Variants in TMPRSS15 observed in about 807,000 individuals in gnomAD.
The protein encoded by TMPRSS15 is enteropeptidase.
TMPRSS15 carries 128 observed loss-of-function variants against 125.3 expected under a neutral mutation model. That is an observed-to-expected ratio of 1.02 (90% CI 0.89 to 1.18). The LOEUF (loss-of-function observed/expected upper bound fraction) is 1.18. Ranked by LOEUF, TMPRSS15 falls within the 50% of genes most tolerant of loss-of-function variation. TMPRSS15 has a pLI of 0.00. For missense variants in TMPRSS15, 1,283 were observed against 1,212.7 expected (o/e 1.06, Z -0.86); for synonymous variants, 446 against 423.2 (o/e 1.05, Z -0.66).
intron 18 of TMPRSS15, among the ~76,000 whole-genome samples, chr21:18,304,677 T>C (rs2075010884): frequency 6.6e-6 from 1 of 152,178 alleles, no homozygotes; most frequent in South Asian, 2.1e-4. Flanking sequence ...GCTAGATACA[T>C]ATAAAATATC....
intron 1 of TMPRSS15, among the ~76,000 whole-genome samples, chr21:18,451,770 T>C (rs1978343162): frequency 6.6e-6 from 1 of 152,196 alleles, no homozygotes; most frequent in Non-Finnish European, 1.5e-5. Context: ...GTTCAGTTTT[T>C]GTATGACTGT....
rs76485843 is a variant in TMPRSS15, at chr21:18,367,437, C to A, written c.665-2189G>T. Among the ~76,000 whole-genome samples the A allele has an allele frequency of 3.7e-3, 565 of 152,304 alleles. 7 individuals carry two copies. The highest frequency in any genetic ancestry group is 0.013 in the African/African-American group (520 of 41,560). On this transcript the variant is annotated intron_variant, in intron 6 of 24. Transcript: ENST00000284885. ...TTCTCACCTTCAACGCTCTTTTCCA[C>A]TGTAAACCATGCCAAACAAGCAGGG...
chr21:18,426,582 C>A (rs1339808960), intron 1 of TMPRSS15, among the ~76,000 whole-genome samples: 1 of 152,010 alleles, frequency 6.6e-6, no homozygotes, highest in African/African-American at 2.4e-5. Context: ...GCATGCAAAC[C>A]CTCTTTTTGG....
At chr21:18,397,155 A>G (rs1037578727) in intron 3 of TMPRSS15, among the ~76,000 whole-genome samples, 1 of 151,836 alleles carries the variant, frequency 6.6e-6, no homozygotes, top group Admixed American at 6.6e-5. Context: ...TTTCCAGTTG[A>G]CTTGTATCTC....
chr21:18,405,301 T>G (rs1420470535), upstream of TMPRSS15, among the ~76,000 whole-genome samples: 1 of 152,114 alleles, frequency 6.6e-6, no homozygotes, highest in Non-Finnish European at 1.5e-5. Context: ...GATCACAAAT[T>G]CTCCTCAAAT....
rs1297245792 is a variant in TMPRSS15, at chr21:18,344,017, T to C, written c.1215A>G (p.Glu405=). The change falls in exon 11 of 25, where the codon GAA becomes GAG. Residue 405 remains glutamate (E), a synonymous_variant. Transcript: ENST00000284885. ...STPTGPGGRQ[E]RVGLLSLPLD... ...AAGGGAGGCTTAAAAGCCCCACTCGTTCTTGTCTCCCTCCTGGTCCAGTTG... is the reference window on the plus strand; with the variant it reads ...AAGGGAGGCTTAAAAGCCCCACTCGCTCTTGTCTCCCTCCTGGTCCAGTTG... The C allele has an allele frequency of 6.2e-7, 1 of 1,614,074 alleles. No homozygotes were observed. The highest frequency in any genetic ancestry group is 1.1e-5 in the South Asian group (1 of 91,084).
At chr21:18,323,875 T>C (rs1326014688) in intron 16 of TMPRSS15, among the ~76,000 whole-genome samples, 3 of 152,188 alleles carry the variant, frequency 2.0e-5, no homozygotes, top group Non-Finnish European at 2.9e-5. Flanking sequence ...TTGAACCTTG[T>C]ATATTTTTTA....
intron 17 of TMPRSS15, 146 bp downstream of exon 17, chr21:18,315,000 C>G (rs1164604059): frequency 1.4e-6 from 1 of 713,662 alleles, no homozygotes; most frequent in East Asian, 2.7e-5. Flanking sequence ...GACAGAGGTG[C>G]TAAAATCATC....
At chr21:18,292,683 G>A (rs1459427955) in intron 21 of TMPRSS15, among the ~76,000 whole-genome samples, 1 of 152,178 alleles carries the variant, frequency 6.6e-6, no homozygotes, top group Non-Finnish European at 1.5e-5. Flanking sequence ...AACTTATTAA[G>A]ATCTACCTAT....
chr21:18,275,801 G>A (rs115817211), intron 23 of TMPRSS15, among the ~76,000 whole-genome samples: 3,650 of 152,254 alleles, frequency 0.024, 146 homozygotes, highest in African/African-American at 0.082. Context: ...TGCACATCGA[G>A]CAGAGGACAA....
chr21:18,435,557 A>G (rs2076225963), intron 1 of TMPRSS15, among the ~76,000 whole-genome samples: 1 of 152,140 alleles, frequency 6.6e-6, no homozygotes, highest in South Asian at 2.1e-4. Context: ...GGATTTTTGC[A>G]TCAATGTTCA....
At position 18,440,372 on chromosome 21, in the gene TMPRSS15, C is replaced by CAAAA. The variant is rs539968323; in HGVS notation, c.11-42047_11-42044dup. Among the ~76,000 whole-genome samples, 316 of 47,414 alleles carry CAAAA rather than the reference C, an allele frequency of 6.7e-3. 24 individuals carry two copies. The highest frequency in any genetic ancestry group is 0.025 in the African/African-American group (301 of 12,074). 31.1% of individuals were successfully genotyped at this position (47,414 alleles called of 152,430 possible). On this transcript the variant is annotated intron_variant, in intron 1 of 7. Coordinates refer to the TMPRSS15 transcript ENST00000422787. Reference sequence around the variant, plus strand: ...TGGGCGACAGAGCGAAACTCCGTCTCAAAAAAAAAAAAAAAAAGAAAACTG... The same window carrying CAAAA: ...TGGGCGACAGAGCGAAACTCCGTCTCAAAAAAAAAAAAAAAAAAAAAGAAAACTG...
intron 1 of TMPRSS15, among the ~76,000 whole-genome samples, chr21:18,399,812 A>G (rs1041354776): frequency 5.9e-5 from 9 of 152,122 alleles, no homozygotes; most frequent in Admixed American, 5.9e-4. Flanking sequence ...TGTTAAAAGT[A>G]GTATGTGCTT....
chr21:18,270,930 T>C (rs1017533206), intron 24 of TMPRSS15, among the ~76,000 whole-genome samples: 2 of 152,200 alleles, frequency 1.3e-5, no homozygotes, highest in Non-Finnish European at 2.9e-5. Context: ...TATGAAGACA[T>C]TTAAAGTTTT....
At chr21:18,422,602 G>A (rs1601457581) in intron 1 of TMPRSS15, among the ~76,000 whole-genome samples, 1 of 152,168 alleles carries the variant, frequency 6.6e-6, no homozygotes, top group East Asian at 1.9e-4. Context: ...TTAAACAGTA[G>A]TAGCGTGGCA....
At chr21:18,388,869 C>A (rs2075967799) in intron 3 of TMPRSS15, among the ~76,000 whole-genome samples, 1 of 152,104 alleles carries the variant, frequency 6.6e-6, no homozygotes, top group Non-Finnish European at 1.5e-5. Context: ...ACCTTTCCTG[C>A]ATGTCTGTGT....
At chr21:18,395,988 C>T (rs1420814252) in intron 3 of TMPRSS15, among the ~76,000 whole-genome samples, 1 of 152,118 alleles carries the variant, frequency 6.6e-6, no homozygotes, top group Non-Finnish European at 1.5e-5. Flanking sequence ...TTTCAGCTAC[C>T]TTCAACTGCA....
intron 21 of TMPRSS15, 97 bp downstream of exon 21, chr21:18,294,173 T>C (rs1372869695): frequency 3.5e-6 from 5 of 1,414,034 alleles, no homozygotes; most frequent in Non-Finnish European, 5.0e-6. Flanking sequence ...AGGATTTCCC[T>C]GGTGGGATGG....
intron 21 of TMPRSS15, among the ~76,000 whole-genome samples, chr21:18,287,429 A>G (rs1216152461): frequency 3.3e-5 from 5 of 152,120 alleles, no homozygotes; most frequent in African/African-American, 1.2e-4. Context: ...TTAGAGTCTC[A>G]AACTCTAAAT....
Sources: gnomAD v4.1 joint callset for allele counts (sites outside exome capture counted in the v4.1 genomes callset) on GRCh38, gnomAD v4.1.1 for gene constraint, MANE v1.5 for transcripts, NCBI Gene and HGNC (gene_info 2026-07-23, HGNC 2026-07-21) for gene names.